The following URB1 variants were observed in gnomAD, a reference collection of about 807,000 sequenced individuals.
URB1 encodes the protein nucleolar pre-ribosomal-associated protein 1.
In URB1, 197 loss-of-function variants were observed where a neutral mutation model predicts 242.3. That is an observed-to-expected ratio of 0.81 (90% confidence interval 0.72 to 0.91). URB1 has a LOEUF of 0.91. URB1 is among the 40% of genes least tolerant of loss of function. The pLI is 0.00. For synonymous variants in URB1, 1,153 were observed against 1,201.8 expected (o/e 0.96, Z 0.84); for missense variants, 2,721 against 2,860.5 (o/e 0.95, Z 1.11).
chr21:32,355,351 C>A, intron 16 of URB1, 98 bp downstream of exon 16: 2 of 1,057,280 alleles, frequency 1.9e-6, no homozygotes, highest in South Asian at 1.4e-5. Flanking sequence ...GGACGAGAAG[C>A]CTTTTGGTGC....
intron 1 of URB1, among the ~76,000 whole-genome samples, chr21:32,389,513 G>A (rs1008081050): frequency 6.6e-6 from 1 of 152,206 alleles, no homozygotes. Flanking sequence ...TCCCAGCAGG[G>A]ACTGATGATG....
At chr21:32,373,238 A>AAAAC (rs896116899) in intron 7 of URB1, among the ~76,000 whole-genome samples, 4 of 152,172 alleles carry the variant, frequency 2.6e-5, no homozygotes, top group South Asian at 2.1e-4. Flanking sequence ...CCTGAGGTTA[A>AAAAC]AAACAAACAA....
At chr21:32,361,266 C>T (rs2033284974) in intron 12 of URB1, 143 bp from the exon 13 acceptor site, 3 of 638,222 alleles carry the variant, frequency 4.7e-6, no homozygotes, top group African/African-American at 1.8e-5. Context: ...CCAAGTGTGG[C>T]ACCACACTGC....
At chr21:32,354,224 G>C (rs1403970105) in intron 17 of URB1, 121 bp from the exon 18 acceptor site, 1 of 1,128,236 alleles carries the variant, frequency 8.9e-7, no homozygotes, top group Admixed American at 2.7e-5. Context: ...TTCCTCTTGG[G>C]GGGAGCATTT....
Position 32,331,443 on chromosome 21 carries a change from A to T in URB1, c.4960+1874T>A, listed in dbSNP as rs1220817445. On this transcript the variant is annotated intron_variant, in intron 30 of 38. Coordinates refer to ENST00000382751, the MANE Select transcript of URB1 (RefSeq NM_014825.3). ...TTCTTCCTATCAAGTAGAACTAAAA[A>T]TACTGAGCATCATATGTAGAACAAA... Among the ~76,000 whole-genome samples the T allele has an allele frequency of 2.0e-5, 3 of 152,244 alleles. No individual in the cohort carries two copies. The East Asian group carries it at 5.8e-4, about 29-fold the overall frequency.
rs1464412410 is a variant in URB1, at chr21:32,357,546, C to T, written c.1980G>A (p.Leu660=). 5 of 1,515,574 alleles carry T rather than the reference C, an allele frequency of 3.3e-6. No homozygotes were observed. The African/African-American group carries it at 7.1e-5, about 21-fold the overall frequency. The allele number at this position is 1,515,574 out of a possible 1,614,324, so 93.9% of individuals were successfully genotyped here. Residue 660 remains leucine, a synonymous_variant, in exon 15 of 39, where the codon CTG becomes CTA. Transcript: ENST00000382751. The part of the protein sequence containing the change: ...HLQLKSLTKL[L]IMKILRDTGV... ...GGTAGAAAATGCTCACCTTCATGATCAGAAGTTTGGTCAATGACTTCAGTT... is the reference window on the plus strand; with the variant it reads ...GGTAGAAAATGCTCACCTTCATGATTAGAAGTTTGGTCAATGACTTCAGTT...
chr21:32,361,006 C>T lies in URB1; in HGVS notation c.1756+1G>A. 6.5e-7 allele frequency: 1 copy of T among 1,545,476 alleles called. No individual in the cohort carries two copies. The highest frequency in any genetic ancestry group is 8.7e-7 in the Non-Finnish European group (1 of 1,144,708). On this transcript the variant is annotated splice_donor_variant, in intron 13 of 38. Transcript: ENST00000382751. LOFTEE classifies it high-confidence loss of function. ...CTTGTCTGCAAGACCTTGAAACCCA[C>T]CTTTCAGGAGCTTGCTGAAGTCAAA...
chr21:32,372,827 G>A (rs975040771), intron 7 of URB1, among the ~76,000 whole-genome samples, 196 bp from the exon 8 acceptor site: 1 of 152,160 alleles, frequency 6.6e-6, no homozygotes, highest in Non-Finnish European at 1.5e-5. Context: ...ACTCTGAAGA[G>A]GGGCAAGTTT....
In URB1 at chr21:32,316,801, G is replaced by A; in HGVS notation, c.6299C>T (p.Ala2100Val). The A allele has an allele frequency of 6.5e-7, 1 of 1,547,498 alleles. No individual in the cohort carries two copies. The highest frequency in any genetic ancestry group is 8.7e-7 in the Non-Finnish European group (1 of 1,144,224). Reference protein sequence around the residue: ...PGPVYAAASLAVSWVLRSVAE... With the variant: ...PGPVYAAASLVVSWVLRSVAE... ...CACCGACCGCAGCACCCAACTGACT[G>A]CCAGGGAAGCGGCAGCATATACGGG... Residue 2100 changes from alanine (A) to valine (V), a missense_variant, in exon 38 of 39, where the codon GCA (alanine) becomes GTA (valine). Coordinates refer to ENST00000382751, the MANE Select transcript of URB1 (RefSeq NM_014825.3).
At position 32,384,223 on chromosome 21, in the gene URB1, T is replaced by A. The variant is rs1568834191; in HGVS notation, c.434+90A>T. On this transcript the variant is annotated intron_variant, in intron 3 of 38. Coordinates refer to ENST00000382751, the MANE Select transcript of URB1 (RefSeq NM_014825.3). ...AAATAGCTCAGCTCTCCTCTAGCCA[T>A]AAAGGTACTGACCAAATGCACCTGC... The A allele has an allele frequency of 1.0e-5, 15 of 1,437,414 alleles. No individual in the cohort carries two copies. The Admixed American group carries it at 3.3e-4, about 32-fold the overall frequency. The allele number at this position is 1,437,414 out of a possible 1,614,324, so 89.0% of individuals were successfully genotyped here. A position where few individuals can be genotyped will look rare whatever the true frequency, so the allele number is the denominator to read the frequency against.
chr21:32,375,392 A>G lies in URB1; in HGVS notation c.750+6T>C. The G allele has an allele frequency of 6.6e-7, 1 of 1,507,486 alleles. No individual in the cohort carries two copies. The highest frequency in any genetic ancestry group is 8.9e-7 in the Non-Finnish European group (1 of 1,119,842). The allele number at this position is 1,507,486 out of a possible 1,614,324, so 93.4% of individuals were successfully genotyped here. A position where few individuals can be genotyped will look rare whatever the true frequency, so the allele number is the denominator to read the frequency against. On this transcript the variant is annotated splice_donor_region_variant and intron_variant, in intron 6 of 38. Coordinates refer to ENST00000382751, the MANE Select transcript of URB1 (RefSeq NM_014825.3). ...ACAACAGAAACGCGGATCACCAAGC[A>G]CATACCTTTGTTTTCAGTGTGGATA...
intron 35 of URB1, 31 bp downstream of exon 35, chr21:32,320,500 G>C: frequency 6.8e-7 from 1 of 1,467,274 alleles, no homozygotes; most frequent in Non-Finnish European, 9.3e-7. Flanking sequence ...CTTCCCACCT[G>C]ACGCGCACCT....
chr21:32,312,273 T>C lies in URB1; in HGVS notation c.*2645A>G, dbSNP rs969122063. The C allele has an allele frequency of 1.2e-5, 16 of 1,381,666 alleles. No individual in the cohort carries two copies. Among genetic ancestry groups the C allele is most frequent in the South Asian group, 7.6e-5 (5 of 65,486 alleles). 85.6% of individuals were successfully genotyped at this position (1,381,666 alleles called of 1,614,324 possible). On this transcript the variant is annotated 3_prime_UTR_variant, in exon 39 of 39. Transcript: ENST00000382751. ...GGGAAGAGTAGGAAAATAAAATATA[T>C]GCAAATCAAGAGGAAAAGCTGTTTG...
chr21:32,366,956 C>T (rs545950148), intron 9 of URB1, among the ~76,000 whole-genome samples: 66 of 152,278 alleles, frequency 4.3e-4, no homozygotes, highest in African/African-American at 1.4e-3. Context: ...TGGCTGTTAA[C>T]AGAGAAAGGA....
intron 9 of URB1, among the ~76,000 whole-genome samples, chr21:32,367,557 G>A (rs1227779265): frequency 6.6e-6 from 1 of 151,662 alleles, no homozygotes; most frequent in Non-Finnish European, 1.5e-5. Flanking sequence ...GTGACAGAGA[G>A]TTCAAACAAG....
chr21:32,384,584 G>A, intron 2 of URB1, 120 bp from the exon 3 acceptor site: 1 of 1,303,170 alleles, frequency 7.7e-7, no homozygotes, highest in Non-Finnish European at 1.0e-6. Flanking sequence ...CATGCAGGAT[G>A]ACGCCCACCC....
Position 32,352,863 on chromosome 21 carries a change from G to A in URB1, c.2460C>T (p.Leu820=), listed in dbSNP as rs756769362. ...VTYLTAVLTD[L]LHTQRDPLAL... is the part of the protein sequence containing the mutation. ...CCAGGGGGTCCCTCTGGGTGTGGAGGAGGTCAGTCAGCACTGCCGTCAGAT... is the reference window on the plus strand; with the variant it reads ...CCAGGGGGTCCCTCTGGGTGTGGAGAAGGTCAGTCAGCACTGCCGTCAGAT... Residue 820 remains leucine (L), a synonymous_variant, in exon 19 of 39, where the codon CTC becomes CTT. Transcript: ENST00000382751. The A allele has an allele frequency of 8.4e-5, 130 of 1,551,436 alleles. 1 individual carries two copies. The highest frequency in any genetic ancestry group is 1.1e-4 in the Non-Finnish European group (123 of 1,146,946).
chr21:32,349,423 C>G lies in URB1; in HGVS notation c.2893G>C (p.Val965Leu). ...GCATCCAGCTGCTCACAGTGGACAA[C>G]CAGGCGCCTGAGGAGATCCAGGAAG... The part of the protein sequence containing the change: ...QLFLDLLRRL[V>L]VHCEQLDAQN... The change falls in exon 21 of 39, where the codon GTT (valine) becomes CTT (leucine). Residue 965 changes from valine to leucine, a missense_variant. Transcript: ENST00000382751. The G allele has an allele frequency of 6.4e-7, 1 of 1,551,454 alleles. No individual in the cohort carries two copies. Among genetic ancestry groups the G allele is most frequent in the African/African-American group, 1.4e-5 (1 of 73,180 alleles).
chr21:32,375,347 C>T, intron 6 of URB1, 51 bp downstream of exon 6: 1 of 1,189,780 alleles, frequency 8.4e-7, no homozygotes, highest in Non-Finnish European at 1.2e-6. Flanking sequence ...GAGAATATCT[C>T]CATTCCCAAG....
Sources: gnomAD v4.1 joint callset for allele counts (sites outside exome capture counted in the v4.1 genomes callset) on GRCh38, gnomAD v4.1.1 for gene constraint, MANE v1.5 for transcripts, NCBI Gene and HGNC (gene_info 2026-07-23, HGNC 2026-07-21) for gene names.